Variants in AFF2 observed in about 807,000 individuals in gnomAD.
AFF2 encodes the protein AF4/FMR2 family member 2.
Under a neutral mutation model 76.9 loss-of-function variants are expected in AFF2, and 14 were observed. That is an observed-to-expected ratio of 0.18 (90% CI 0.12 to 0.28). The LOEUF (loss-of-function observed/expected upper bound fraction) is 0.28, where lower values mean the gene tolerates loss of function less well. Ranked by LOEUF, AFF2 falls within the 10% of genes least tolerant of loss-of-function variation. The probability of loss-of-function intolerance (pLI) is 1.00; values close to 1 mark genes in which losing one functional copy is unlikely to be tolerated. For missense variants in AFF2, 868 were observed against 1,001.1 expected (o/e 0.87, Z 1.79); for synonymous variants, 398 against 366.7 (o/e 1.09, Z -0.98).
rs1388119269 is a variant in AFF2 at position 148,967,168 on chromosome X, C to T, written c.3203+89C>T. The T allele has an allele frequency of 1.6e-5, 18 of 1,146,334 alleles. No individual in the cohort carries two copies. In the Admixed American group the frequency reaches 4.0e-4, roughly 26 times the overall value. 94.5% of individuals were successfully genotyped at this position (1,146,334 alleles called of 1,213,427 possible). A position where few individuals can be genotyped will look rare whatever the true frequency, so the allele number is the denominator to read the frequency against. Reference sequence around the variant, plus strand: ...CTTTTCTAGTGCTGTGCATGTGTCACCCCAAATAAGACCTCAGCATCAAAT... The same window carrying T: ...CTTTTCTAGTGCTGTGCATGTGTCATCCCAAATAAGACCTCAGCATCAAAT... On this transcript the variant is annotated intron_variant, in intron 14 of 20. Coordinates refer to ENST00000370460, the MANE Select transcript of AFF2 (RefSeq NM_002025.4).
At chrX:148,632,400 T>C (rs1345972637) in intron 1 of AFF2, among the ~76,000 whole-genome samples, 2 of 111,398 alleles carry the variant, frequency 1.8e-5, no homozygotes, top group African/African-American at 6.5e-5. Flanking sequence ...ACACTTTGAC[T>C]TGGAATTGCA....
intron 1 of AFF2, among the ~76,000 whole-genome samples, chrX:148,519,631 C>T (rs974331823): frequency 8.9e-6 from 1 of 112,216 alleles, no homozygotes; most frequent in South Asian, 3.7e-4. Flanking sequence ...ATGTGCCATT[C>T]GGAGACCCGA....
At chrX:148,565,626 G>T (rs1478931927) in intron 1 of AFF2, among the ~76,000 whole-genome samples, 1 of 110,949 alleles carries the variant, frequency 9.0e-6, no homozygotes, top group Non-Finnish European at 1.9e-5. Flanking sequence ...CAAATATAAT[G>T]TGTAGCAATC....
At chrX:148,941,920 T>G (rs1380669708) in intron 9 of AFF2, among the ~76,000 whole-genome samples, 1 of 110,888 alleles carries the variant, frequency 9.0e-6, no homozygotes, top group Non-Finnish European at 1.9e-5. Flanking sequence ...CTATATATTA[T>G]AAAGCCATCT....
chrX:148,796,471 C>T (rs2069984037), intron 3 of AFF2, among the ~76,000 whole-genome samples: 2 of 112,282 alleles, frequency 1.8e-5, no homozygotes, highest in Non-Finnish European at 3.8e-5. Context: ...CAGTTAGAAA[C>T]CACTAGAAAT....
At chrX:148,585,892 C>T (rs868922951) in intron 1 of AFF2, among the ~76,000 whole-genome samples, 2 of 106,950 alleles carry the variant, frequency 1.9e-5, no homozygotes, top group Non-Finnish European at 3.9e-5. Context: ...AGTCTGATTG[C>T]ATTAGAATGG....
intron 2 of AFF2, among the ~76,000 whole-genome samples, chrX:148,661,295 C>T (rs1363494230): frequency 8.9e-6 from 1 of 112,333 alleles, no homozygotes; most frequent in Non-Finnish European, 1.9e-5. Flanking sequence ...AATATACAGG[C>T]AAACACTAGT....
intron 18 of AFF2, among the ~76,000 whole-genome samples, chrX:148,978,875 T>C (rs1368700888): frequency 8.9e-6 from 1 of 112,050 alleles, no homozygotes; most frequent in Non-Finnish European, 1.9e-5. Flanking sequence ...TCCACAACCC[T>C]GGAAGGCCTT....
chrX:148,509,233 A>C (rs2052456561), intron 1 of AFF2, among the ~76,000 whole-genome samples: 2 of 112,162 alleles, frequency 1.8e-5, no homozygotes, highest in African/African-American at 6.5e-5. Context: ...ATGCAAGCTA[A>C]GTAGGCAAAA....
chrX:148,870,623 T>C (rs2070962041), intron 7 of AFF2, among the ~76,000 whole-genome samples: 1 of 112,117 alleles, frequency 8.9e-6, no homozygotes, highest in African/African-American at 3.2e-5. Flanking sequence ...AGGTGGCTGT[T>C]GTGAAGCTGT....
chrX:148,904,461 G>A, intron 9 of AFF2: 4 of 373,747 alleles, frequency 1.1e-5, no homozygotes, highest in South Asian at 4.6e-5. Flanking sequence ...ATGAAGAAAT[G>A]CCCCAAGTTG....
chrX:148,744,582 C>T (rs2055399445), intron 3 of AFF2, among the ~76,000 whole-genome samples: 1 of 110,976 alleles, frequency 9.0e-6, no homozygotes, highest in African/African-American at 3.3e-5. Flanking sequence ...AGATAGTCTT[C>T]AGAATTATAA....
chrX:148,608,502 ATACTT>A (rs2053695213), intron 1 of AFF2, among the ~76,000 whole-genome samples: 1 of 109,685 alleles, frequency 9.1e-6, no homozygotes, highest in South Asian at 3.9e-4. Flanking sequence ...AGTCAGTGGA[ATACTT>A]TATTTTAATT....
intron 9 of AFF2, among the ~76,000 whole-genome samples, chrX:148,906,844 G>A (rs782648665): frequency 3.1e-4 from 35 of 111,791 alleles, no homozygotes; most frequent in African/African-American, 9.8e-4. Flanking sequence ...CAGAGTGTCC[G>A]CTGCACTCCT....
At chrX:148,790,681 C>T (rs1029026923) in intron 3 of AFF2, among the ~76,000 whole-genome samples, 21 of 107,715 alleles carry the variant, frequency 1.9e-4, no homozygotes, top group African/African-American at 6.1e-4. Flanking sequence ...CTCACTGGGG[C>T]CTGTTGGGGG....
chrX:148,981,795 A>G (rs2072397524), intron 19 of AFF2, among the ~76,000 whole-genome samples: 1 of 112,500 alleles, frequency 8.9e-6, no homozygotes, highest in Non-Finnish European at 1.9e-5. Context: ...CTCTACTGCC[A>G]CTTTATAAAT....
chrX:148,671,880 A>C (rs2124479387), intron 3 of AFF2, among the ~76,000 whole-genome samples: 1 of 111,369 alleles, frequency 9.0e-6, no homozygotes, highest in African/African-American at 3.3e-5. Context: ...CCACTAAAAT[A>C]ATGAAAGATA....
At chrX:148,503,442 C>T in intron 1 of AFF2, among the ~76,000 whole-genome samples, 1 of 111,460 alleles carries the variant, frequency 9.0e-6, no homozygotes, top group Admixed American at 9.5e-5. Context: ...CCCAAGCCCC[C>T]AGGAGGGCCA....
At chrX:148,738,844 T>G (rs1178559419) in intron 3 of AFF2, among the ~76,000 whole-genome samples, 2 of 111,814 alleles carry the variant, frequency 1.8e-5, no homozygotes, top group Non-Finnish European at 3.8e-5. Flanking sequence ...TTCAAAGAAT[T>G]TGTTAATTTC....
Sources: gnomAD v4.1 joint callset for allele counts (sites outside exome capture counted in the v4.1 genomes callset) on GRCh38, gnomAD v4.1.1 for gene constraint, MANE v1.5 for transcripts, NCBI Gene and HGNC (gene_info 2026-07-23, HGNC 2026-07-21) for gene names.